Variants in DGLUCY observed in about 807,000 individuals in gnomAD.
The protein encoded by DGLUCY is D-glutamate cyclase, also known as D-glutamate cyclase, mitochondrial.
In DGLUCY, 58 loss-of-function variants were observed where a neutral mutation model predicts 58.5. That is an observed-to-expected ratio of 0.99 (90% CI 0.80 to 1.23). The LOEUF (loss-of-function observed/expected upper bound fraction) is 1.23, where lower values mean the gene tolerates loss of function less well. Among genes scored for constraint, DGLUCY ranks in the 50% most tolerant of loss-of-function variants. The probability of loss-of-function intolerance (pLI) is 0.00; values close to 1 mark genes in which losing one functional copy is unlikely to be tolerated. For missense variants in DGLUCY, 779 were observed against 784.7 expected (o/e 0.99, Z 0.09); for synonymous variants, 325 against 314.1 (o/e 1.03, Z -0.37).
intron 1 of DGLUCY, among the ~76,000 whole-genome samples, chr14:91,061,230 G>A (rs896136172): frequency 1.3e-5 from 2 of 152,142 alleles, no homozygotes; most frequent in African/African-American, 4.8e-5. Context: ...GGTCTTACTC[G>A]CTCTAGTGAA....
chr14:91,213,938 G>C (rs929397125), intron 12 of DGLUCY, among the ~76,000 whole-genome samples: 1 of 152,078 alleles, frequency 6.6e-6, no homozygotes, highest in African/African-American at 2.4e-5. Context: ...AACCTCAGGT[G>C]ATCTGCCCAT....
intron 1 of DGLUCY, among the ~76,000 whole-genome samples, chr14:91,130,590 G>C (rs760491236): frequency 7.9e-5 from 12 of 151,976 alleles, no homozygotes; most frequent in Non-Finnish European, 1.5e-4. Context: ...ACAGGTGTGA[G>C]CCACCACACC....
intron 1 of DGLUCY, among the ~76,000 whole-genome samples, chr14:91,131,252 T>C (rs978160357): frequency 6.6e-6 from 1 of 152,230 alleles, no homozygotes; most frequent in African/African-American, 2.4e-5. Context: ...GCCTCAGTGT[T>C]ATATGCTTGT....
rs764076319 is a variant in DGLUCY at position 91,199,872 on chromosome 14, G to T, written c.1411G>T (p.Ala471Ser). The stretch of plus-strand genomic sequence containing the variant: ...TGACCCCATTGACGATCTTTTTCTT[G>T]CTGCGAAGAAGATTCCTGGAATCTC... ...LVDPIDDLFL[A>S]AKKIPGISST... Residue 471 changes from alanine to serine, a missense_variant, in exon 11 of 14, where the codon GCT (alanine) becomes TCT (serine). Ala to Ser is a moderately conservative substitution (Grantham distance 99). Coordinates refer to ENST00000256324, the MANE Select transcript of DGLUCY (RefSeq NM_001102368.3). 1.2e-6 allele frequency: 2 copies of T among 1,614,050 alleles called. No homozygotes were observed. Among genetic ancestry groups the T allele is most frequent in the East Asian group, 4.5e-5 (2 of 44,890 alleles).
upstream of DGLUCY, among the ~76,000 whole-genome samples, chr14:91,109,806 C>T (rs117292347): frequency 1.0e-3 from 153 of 152,324 alleles, no homozygotes; most frequent in Non-Finnish European, 2.0e-3. Flanking sequence ...TGGGTTAGAG[C>T]TTCAACACAG....
At chr14:91,144,618 A>G (rs1463765823) in intron 1 of DGLUCY, among the ~76,000 whole-genome samples, 2 of 152,164 alleles carry the variant, frequency 1.3e-5, no homozygotes, top group East Asian at 3.9e-4. Flanking sequence ...TCAGGAATCC[A>G]TCCCTGCCTG....
At chr14:91,128,569 G>A (rs561930415) in intron 1 of DGLUCY, among the ~76,000 whole-genome samples, 2 of 152,190 alleles carry the variant, frequency 1.3e-5, no homozygotes, top group East Asian at 3.9e-4. Flanking sequence ...ATATAACTGG[G>A]AAGCAGGAAA....
chr14:91,184,084 A>G (rs531222408), intron 8 of DGLUCY, among the ~76,000 whole-genome samples: 224 of 151,684 alleles, frequency 1.5e-3, no homozygotes, highest in African/African-American at 5.2e-3. Flanking sequence ...ATGGTGGCCG[A>G]CCTCCGTGGA....
chr14:91,123,430 T>C (rs1275076850), intron 1 of DGLUCY, among the ~76,000 whole-genome samples: 1 of 151,538 alleles, frequency 6.6e-6, no homozygotes, highest in Admixed American at 6.6e-5. Flanking sequence ...CAGCCCTGTT[T>C]GGGAAAACTG....
chr14:91,220,762 C>T (rs1031149177), intron 13 of DGLUCY: 10 of 436,840 alleles, frequency 2.3e-5, no homozygotes, highest in Admixed American at 1.4e-4. Context: ...ACCATGTTCC[C>T]GCCTGCCTCG....
chr14:91,173,228 T>G lies in DGLUCY; in HGVS notation c.457-61T>G, dbSNP rs565617904. 64 of 1,586,774 alleles carry G rather than the reference T, an allele frequency of 4.0e-5. 1 individual carries two copies. The African/African-American group carries it at 8.2e-4, about 20-fold the overall frequency. On this transcript the variant is annotated intron_variant, in intron 5 of 13. Transcript: ENST00000256324. The stretch of plus-strand genomic sequence containing the variant: ...CCTTGAACTCTTGGTGCTCAGAGCT[T>G]GGATCTGTGCTAATTCCATTTTTTA...
At chr14:91,140,530 G>A (rs2046604154) in intron 1 of DGLUCY, among the ~76,000 whole-genome samples, 1 of 152,108 alleles carries the variant, frequency 6.6e-6, no homozygotes, top group East Asian at 1.9e-4. Context: ...CATTAGCCAG[G>A]CATGATGGCA....
intron 1 of DGLUCY, among the ~76,000 whole-genome samples, chr14:91,063,665 A>G (rs77015364): frequency 0.011 from 1,632 of 152,376 alleles, 25 homozygotes; most frequent in African/African-American, 0.033. Context: ...TGAGGCAGGC[A>G]AAGAGCCTAT....
intron 13 of DGLUCY, among the ~76,000 whole-genome samples, chr14:91,222,899 C>A (rs1055813761): frequency 5.3e-5 from 8 of 152,216 alleles, no homozygotes; most frequent in Non-Finnish European, 1.0e-4. Flanking sequence ...TGGGGACTCT[C>A]TTCCTGGCTT....
rs59166324 is a variant in DGLUCY, at chr14:91,210,947, TTGTC to T, written c.1565-4454_1565-4451del. On this transcript the variant is annotated intron_variant, in intron 12 of 13. Coordinates refer to ENST00000256324, the MANE Select transcript of DGLUCY (RefSeq NM_001102368.3). ...TTGTCTTTGCTTGCAGATGGCATGA[TTGTC>T]TGTGTAGAAAATTCAAAAGAATCAA... is the stretch of plus-strand genomic sequence containing the variant. Among the ~76,000 whole-genome samples, 457 of 152,304 alleles carry T rather than the reference TTGTC, an allele frequency of 3.0e-3. 9 individuals carry two copies. In the East Asian group the frequency reaches 0.061, roughly 20 times the overall value.
At chr14:91,097,190 A>G (rs529837955) in intron 1 of DGLUCY, among the ~76,000 whole-genome samples, 145 of 152,330 alleles carry the variant, frequency 9.5e-4, no homozygotes, top group African/African-American at 3.4e-3. Flanking sequence ...TGAGTCCAAG[A>G]GTTCAAGACC....
intron 1 of DGLUCY, among the ~76,000 whole-genome samples, chr14:91,102,765 G>GTGTGTGTGTGTGTGTT (rs1458893984): frequency 1.3e-5 from 2 of 149,224 alleles, no homozygotes; most frequent in Non-Finnish European, 3.0e-5. Context: ...GTGTGTGTGT[G>GTGTGTGTGTGTGTGTT]TGTGTGTGTG....
At chr14:91,111,232 GTGTGTGTGTGTGTGTGTATA>G (rs1566944323), upstream of DGLUCY, among the ~76,000 whole-genome samples, 18 of 112,808 alleles carry the variant, frequency 1.6e-4, 1 homozygote, top group Admixed American at 4.7e-4. Context: ...GTGTGTGTGT[GTGTGTGTGTGTGTGTGTATA>G]TATCTATATA....
At chr14:91,086,574 G>T (rs2044224461) in intron 1 of DGLUCY, among the ~76,000 whole-genome samples, 1 of 152,034 alleles carries the variant, frequency 6.6e-6, no homozygotes. Flanking sequence ...GTTCAGTAAA[G>T]ACACAACCTT....
Sources: allele counts gnomAD v4.1 joint callset (sites outside exome capture counted in the v4.1 genomes callset), GRCh38; gene constraint gnomAD v4.1.1; transcripts MANE v1.5; gene names NCBI Gene and HGNC (gene_info 2026-07-23, HGNC 2026-07-21).